WDTC1: variants seen among roughly 807,000 people sequenced by gnomAD.
WDTC1 encodes the protein WD and tetratricopeptide repeats protein 1.
A neutral mutation model predicts 76.0 loss-of-function variants in WDTC1; 12 were observed. That is an observed-to-expected ratio of 0.16 (90% CI 0.10 to 0.26). The LOEUF (loss-of-function observed/expected upper bound fraction) is 0.26. Among genes scored for constraint, WDTC1 ranks in the 10% least tolerant of loss-of-function variants. The pLI is 1.00. For missense variants in WDTC1, 511 were observed against 908.8 expected, an observed-to-expected ratio of 0.56 and a Z score of 5.63; for synonymous variants, 326 against 350.8, an observed-to-expected ratio of 0.93 and a Z score of 0.79.
At chr1:27,261,212 G>A (rs1254456118) in intron 2 of WDTC1, 110 bp downstream of exon 2, 18 of 1,277,110 alleles carry the variant, frequency 1.4e-5, no homozygotes, top group East Asian at 4.9e-5. Context: ...CTAAAGTCAC[G>A]TAGCTAGTTA....
rs557860054 is a variant in WDTC1 at position 27,288,983 on chromosome 1, ACC to A, written c.479+1131_479+1132del. Among the ~76,000 whole-genome samples, 136 of 120,166 alleles carry A rather than the reference ACC, an allele frequency of 1.1e-3. 2 individuals carry two copies. The highest frequency in any genetic ancestry group is 5.0e-3 in the Middle Eastern group (1 of 200). 78.8% of individuals were successfully genotyped at this position (120,166 alleles called of 152,430 possible). A position where few individuals can be genotyped will look rare whatever the true frequency, so the allele number is the denominator to read the frequency against. ...GGGCGGCTGGCCGGGCGGGGGGCTG[ACC>A]CCCCCCCCACCTCCCTCCCGGACGG... On this transcript the variant is annotated intron_variant, in intron 6 of 15. Transcript: ENST00000319394.
At chr1:27,299,846 A>G (rs2013787514) in intron 12 of WDTC1, among the ~76,000 whole-genome samples, 1 of 152,004 alleles carries the variant, frequency 6.6e-6, no homozygotes, top group Non-Finnish European at 1.5e-5. Flanking sequence ...CCATCCCCAC[A>G]TGCCTGCCAG....
intron 5 of WDTC1, 33 bp from the exon 6 acceptor site, chr1:27,287,641 C>A: frequency 6.3e-7 from 1 of 1,595,396 alleles, no homozygotes; most frequent in South Asian, 1.1e-5. Flanking sequence ...TCTACTCTTA[C>A]CACCCACCCC....
intron 1 of WDTC1, among the ~76,000 whole-genome samples, chr1:27,243,301 C>T (rs1204750952): frequency 6.8e-6 from 1 of 147,702 alleles, no homozygotes; most frequent in African/African-American, 2.5e-5. Context: ...CAACCTCTGC[C>T]TCCTGAGTTC....
chr1:27,292,141 A>G, intron 6 of WDTC1, 74 bp from the exon 7 acceptor site: 1 of 1,395,782 alleles, frequency 7.2e-7, no homozygotes, highest in Non-Finnish European at 9.5e-7. Flanking sequence ...TTGCATAACA[A>G]GAACTTATCT....
chr1:27,256,930 C>T (rs947568383), intron 1 of WDTC1, among the ~76,000 whole-genome samples: 7 of 152,132 alleles, frequency 4.6e-5, no homozygotes, highest in African/African-American at 7.2e-5. Flanking sequence ...AGCACGATCT[C>T]GTCTCACTGC....
intron 1 of WDTC1, among the ~76,000 whole-genome samples, chr1:27,256,243 T>C (rs1443343892): frequency 6.6e-6 from 1 of 152,060 alleles, no homozygotes; most frequent in Non-Finnish European, 1.5e-5. Flanking sequence ...CTGGACTTAA[T>C]GGCCACTGTG....
rs2147960823 is a variant in WDTC1, at chr1:27,282,291, T to C, written c.179+6T>C. On this transcript the variant is annotated splice_donor_region_variant and intron_variant, in intron 4 of 15. Coordinates refer to ENST00000319394, the MANE Select transcript of WDTC1 (RefSeq NM_001276252.2). ...GAGTGGAATGAGAAAGGAGAGTAAG[T>C]ATGAGCTAGAGCACCTGAAGGGTGC... The C allele has an allele frequency of 6.2e-7, 1 of 1,613,614 alleles. No homozygotes were observed. The highest frequency in any genetic ancestry group is 8.5e-7 in the Non-Finnish European group (1 of 1,179,688).
chr1:27,279,902 A>T (rs983802118), intron 3 of WDTC1, among the ~76,000 whole-genome samples: 1 of 152,206 alleles, frequency 6.6e-6, no homozygotes, highest in Non-Finnish European at 1.5e-5. Context: ...GTGCAATGGA[A>T]AAGACATATT....
At chr1:27,257,898 A>C (rs1203901509) in intron 1 of WDTC1, among the ~76,000 whole-genome samples, 2 of 151,894 alleles carry the variant, frequency 1.3e-5, no homozygotes. Context: ...TCAAATGATT[A>C]TCCTGCCTCA....
intron 1 of WDTC1, among the ~76,000 whole-genome samples, chr1:27,254,656 G>A (rs1302663108): frequency 6.6e-6 from 1 of 151,710 alleles, no homozygotes; most frequent in Admixed American, 6.6e-5. Flanking sequence ...TTTTTGAGAC[G>A]GAGTTTCGCT....
intron 3 of WDTC1, among the ~76,000 whole-genome samples, chr1:27,271,941 A>T (rs1010943098): frequency 6.9e-6 from 1 of 144,666 alleles, no homozygotes; most frequent in African/African-American, 2.5e-5. Context: ...CCGGCCTAAA[A>T]TTTTTTTTTT....
At chr1:27,297,794 A>C in intron 11 of WDTC1, 144 bp from the exon 12 acceptor site, 1 of 744,298 alleles carries the variant, frequency 1.3e-6, no homozygotes, top group Non-Finnish European at 2.1e-6. Context: ...ATCCCAGACC[A>C]GGGTAGTGGT....
At chr1:27,266,880 T>A (rs2012689925) in intron 3 of WDTC1, among the ~76,000 whole-genome samples, 1 of 152,204 alleles carries the variant, frequency 6.6e-6, no homozygotes, top group Admixed American at 6.5e-5. Flanking sequence ...TTTCCTGGGT[T>A]TTCCAATTTT....
intron 3 of WDTC1, among the ~76,000 whole-genome samples, chr1:27,280,506 C>T (rs964045026): frequency 1.2e-4 from 18 of 152,314 alleles, no homozygotes; most frequent in Admixed American, 1.0e-3. Context: ...AAAGTGAAAG[C>T]TTAGCATCTA....
intron 12 of WDTC1, among the ~76,000 whole-genome samples, chr1:27,299,699 TC>T (rs2013784249): frequency 6.6e-6 from 1 of 152,046 alleles, no homozygotes; most frequent in African/African-American, 2.4e-5. Flanking sequence ...GACGTTGGCC[TC>T]GATTCAGTGC....
In WDTC1 at chr1:27,305,831, G is replaced by A. The variant is rs12562810; in HGVS notation, c.1837-355G>A. 8.3e-4 allele frequency among the ~76,000 whole-genome samples: 126 copies of A among 152,246 alleles called. 3 individuals carry two copies. The East Asian group carries it at 0.023, about 27-fold the overall frequency. On this transcript the variant is annotated intron_variant, in intron 15 of 15. Transcript: ENST00000319394. This position sits in a 1 kb window ranked among gnomAD's most constrained non-coding sequence, Gnocchi z 4.6. The stretch of plus-strand genomic sequence containing the variant: ...AAAGAAAGATGAAGCAAGAGTTGTG[G>A]CAACAAAACAGAATGGGGTGGGGAA...
intron 3 of WDTC1, among the ~76,000 whole-genome samples, chr1:27,269,339 CAAAAAA>C (rs749716965): frequency 8.9e-6 from 1 of 111,890 alleles, no homozygotes; most frequent in Admixed American, 9.3e-5. Flanking sequence ...GGGACTGCCT[CAAAAAA>C]AAAAAAAAGT....
intron 3 of WDTC1, 115 bp from the exon 4 acceptor site, chr1:27,282,124 G>GA: frequency 9.7e-7 from 1 of 1,028,956 alleles, no homozygotes; most frequent in Non-Finnish European, 1.5e-6. Flanking sequence ...CATGCACTTG[G>GA]AAAATATTGA....
Sources: gnomAD v4.1 joint callset for allele counts (sites outside exome capture counted in the v4.1 genomes callset) on GRCh38, gnomAD v4.1.1 for gene constraint, Gnocchi (gnomAD v3.1) non-coding constraint, MANE v1.5 for transcripts, NCBI Gene and HGNC (gene_info 2026-07-23, HGNC 2026-07-21) for gene names.